TMEM196: variants seen among roughly 807,000 people sequenced by gnomAD.
TMEM196 encodes transmembrane protein 196.
TMEM196 carries 17 observed loss-of-function variants against 20.0 expected under a neutral mutation model. That is an observed-to-expected ratio of 0.85 (90% CI 0.58 to 1.27). The LOEUF (loss-of-function observed/expected upper bound fraction) is 1.27, where lower values mean the gene tolerates loss of function less well. Among genes scored for constraint, TMEM196 ranks in the 50% most tolerant of loss-of-function variants. The probability of loss-of-function intolerance (pLI) is 0.00; values close to 1 mark genes in which losing one functional copy is unlikely to be tolerated. For missense variants in TMEM196, 267 were observed against 223.0 expected, an observed-to-expected ratio of 1.20 and a Z score of -1.26; for synonymous variants, 113 against 88.9, an observed-to-expected ratio of 1.27 and a Z score of -1.52.
At chr7:19,724,992 A>G (rs927843419) in intron 3 of TMEM196, among the ~76,000 whole-genome samples, 3 of 152,202 alleles carry the variant, frequency 2.0e-5, no homozygotes, top group Non-Finnish European at 4.4e-5. Flanking sequence ...CTCTCCAAAT[A>G]TGCATAAGTT....
At chr7:19,769,974 T>C (rs1210412343) in intron 1 of TMEM196, among the ~76,000 whole-genome samples, 5 of 152,138 alleles carry the variant, frequency 3.3e-5, no homozygotes, top group African/African-American at 9.7e-5. Context: ...GACCCCATTT[T>C]ATAGATAAGG....
At position 19,754,672 on chromosome 7, in the gene TMEM196, G is replaced by GAA. The variant is rs71017072; in HGVS notation, c.147+17876_147+17877dup. 2.7e-5 allele frequency among the ~76,000 whole-genome samples: 4 copies of GAA among 148,812 alleles called. No homozygotes were observed. In the East Asian group the frequency reaches 5.9e-4, roughly 22 times the overall value. ...CATGAACTATAAGAAAAAGGAAAAAGAAAAAAAAAAGTTCTGCAATTCAGA... is the reference window on the plus strand; with the variant it reads ...CATGAACTATAAGAAAAAGGAAAAAGAAAAAAAAAAAAGTTCTGCAATTCAGA... On this transcript the variant is annotated intron_variant, in intron 1 of 4. Transcript: ENST00000405844.
chr7:19,747,305 A>T (rs1355443603), intron 1 of TMEM196, among the ~76,000 whole-genome samples: 1 of 151,756 alleles, frequency 6.6e-6, no homozygotes, highest in Non-Finnish European at 1.5e-5. Flanking sequence ...AAAATAAAAA[A>T]AAGAAAATCC....
At chr7:19,743,325 C>A (rs141325414) in intron 1 of TMEM196, among the ~76,000 whole-genome samples, 155 of 152,224 alleles carry the variant, frequency 1.0e-3, no homozygotes, top group African/African-American at 3.6e-3. Context: ...TCTCACCCAA[C>A]TTTTTCTGTC....
chr7:19,729,923 T>C (rs1784135348), intron 1 of TMEM196, among the ~76,000 whole-genome samples: 1 of 152,112 alleles, frequency 6.6e-6, no homozygotes, highest in African/African-American at 2.4e-5. Context: ...ACAACCTCCT[T>C]ATTCTACAAG....
intron 1 of TMEM196, among the ~76,000 whole-genome samples, chr7:19,732,048 A>G (rs1017963887): frequency 5.3e-5 from 8 of 152,184 alleles, no homozygotes; most frequent in African/African-American, 1.9e-4. Context: ...AAAAGAGAAA[A>G]AGAGGCCCCC....
chr7:19,747,233 C>T (rs993060507), intron 1 of TMEM196, among the ~76,000 whole-genome samples: 2 of 142,052 alleles, frequency 1.4e-5, no homozygotes, highest in East Asian at 2.2e-4. Context: ...CCAGCCTGGG[C>T]GACAGAGCGA....
intron 1 of TMEM196, among the ~76,000 whole-genome samples, chr7:19,735,197 T>G (rs556944772): frequency 6.6e-6 from 1 of 152,218 alleles, no homozygotes; most frequent in African/African-American, 2.4e-5. Context: ...AAAGACAAAT[T>G]TTTTAAAAAA....
chr7:19,735,820 T>C (rs72591449), intron 1 of TMEM196, among the ~76,000 whole-genome samples: 16,869 of 152,200 alleles, frequency 0.11, 1,627 homozygotes, highest in East Asian at 0.54. Context: ...GAAATAAGTT[T>C]CACTGAAATT....
At chr7:19,745,056 C>T (rs1481487071) in intron 1 of TMEM196, among the ~76,000 whole-genome samples, 1 of 152,032 alleles carries the variant, frequency 6.6e-6, no homozygotes, top group Non-Finnish European at 1.5e-5. Context: ...CCTGATGATG[C>T]ACAAGTCCCT....
At chr7:19,726,694 T>C (rs1210125478) in intron 2 of TMEM196, among the ~76,000 whole-genome samples, 1 of 152,194 alleles carries the variant, frequency 6.6e-6, no homozygotes, top group Non-Finnish European at 1.5e-5. Flanking sequence ...TAATGCTTTC[T>C]GAGAAGTAAG....
intron 1 of TMEM196, among the ~76,000 whole-genome samples, chr7:19,742,621 C>A (rs575825487): frequency 2.0e-5 from 3 of 152,178 alleles, no homozygotes; most frequent in Non-Finnish European, 4.4e-5. Flanking sequence ...TAAAAGCTGC[C>A]GATGCTATTT....
intron 1 of TMEM196, among the ~76,000 whole-genome samples, chr7:19,763,274 T>C (rs1562628781): frequency 6.6e-6 from 1 of 152,204 alleles, no homozygotes; most frequent in Non-Finnish European, 1.5e-5. Context: ...ATGTGGTTTA[T>C]TATAAACATA....
chr7:19,726,324 C>T (rs891884032), intron 2 of TMEM196, among the ~76,000 whole-genome samples: 3 of 152,110 alleles, frequency 2.0e-5, no homozygotes, highest in African/African-American at 7.2e-5. Flanking sequence ...TCATTAGTTC[C>T]ACCTAACTTC....
chr7:19,751,333 T>C (rs764561863), intron 1 of TMEM196, among the ~76,000 whole-genome samples: 1 of 152,208 alleles, frequency 6.6e-6, no homozygotes, highest in Non-Finnish European at 1.5e-5. Flanking sequence ...GGTTAATTGA[T>C]AGGTGCTGTC....
chr7:19,726,138 T>G (rs1562605819), intron 2 of TMEM196, among the ~76,000 whole-genome samples: 1 of 152,168 alleles, frequency 6.6e-6, no homozygotes, highest in African/African-American at 2.4e-5. Context: ...CTTTAACAAA[T>G]ATCATCTCAA....
chr7:19,739,516 C>A (rs1784515267), intron 1 of TMEM196, among the ~76,000 whole-genome samples: 1 of 152,078 alleles, frequency 6.6e-6, no homozygotes, highest in Admixed American at 6.6e-5. Context: ...CCTGAAGACA[C>A]AGCTAGAAGT....
chr7:19,737,946 G>T (rs1457174963), intron 1 of TMEM196, among the ~76,000 whole-genome samples: 1 of 151,686 alleles, frequency 6.6e-6, no homozygotes, highest in East Asian at 1.9e-4. Context: ...AAAATTAGGG[G>T]GTTAGGGAAT....
intron 1 of TMEM196, among the ~76,000 whole-genome samples, chr7:19,762,601 A>C (rs1403262539): frequency 6.6e-6 from 1 of 152,204 alleles, no homozygotes; most frequent in Non-Finnish European, 1.5e-5. Flanking sequence ...ATTCTTTCAC[A>C]TCAAGTATGA....
Sources: gnomAD v4.1 joint callset for allele counts (sites outside exome capture counted in the v4.1 genomes callset) on GRCh38, gnomAD v4.1.1 for gene constraint, MANE v1.5 for transcripts, NCBI Gene and HGNC (gene_info 2026-07-23, HGNC 2026-07-21) for gene names.